Variants in ADK observed in about 807,000 individuals in gnomAD.
ADK encodes adenosine kinase.
In ADK, 24 loss-of-function variants were observed where a neutral mutation model predicts 44.7. That is an observed-to-expected ratio of 0.54 (90% CI 0.39 to 0.76). The LOEUF (loss-of-function observed/expected upper bound fraction) is 0.76, where lower values mean the gene tolerates loss of function less well. Among genes scored for constraint, ADK ranks in the 30% least tolerant of loss-of-function variants. The pLI, the probability that ADK is intolerant of heterozygous loss-of-function variation, is 0.00. For synonymous variants in ADK, 128 were observed against 142.6 expected, an observed-to-expected ratio of 0.90 and a Z score of 0.73; for missense variants, 321 against 425.1, an observed-to-expected ratio of 0.76 and a Z score of 2.15.
chr10:74,325,613 G>A (rs11819074), intron 4 of ADK, among the ~76,000 whole-genome samples: 1 of 152,076 alleles, frequency 6.6e-6, no homozygotes, highest in Non-Finnish European at 1.5e-5. Context: ...AATAGCTTTG[G>A]ATTTTTCATA....
chr10:74,675,343 A>ATAAAT (rs988237777), intron 10 of ADK, among the ~76,000 whole-genome samples: 7 of 152,236 alleles, frequency 4.6e-5, no homozygotes, highest in African/African-American at 1.7e-4. Flanking sequence ...CCAAATGTAC[A>ATAAAT]TAAATTAAAT....
intron 1 of ADK, among the ~76,000 whole-genome samples, chr10:74,184,601 C>A (rs1842681633): frequency 6.6e-6 from 1 of 151,662 alleles, no homozygotes; most frequent in Non-Finnish European, 1.5e-5. Context: ...TCTTGAACCT[C>A]CTGGCCTCAA....
intron 6 of ADK, among the ~76,000 whole-genome samples, chr10:74,442,502 TG>T (rs1204149238): frequency 1.3e-5 from 2 of 151,986 alleles, no homozygotes; most frequent in Non-Finnish European, 2.9e-5. Flanking sequence ...AAAAATTAGC[TG>T]GGCGTGGTAG....
At chr10:74,363,478 G>A (rs190334924) in intron 4 of ADK, among the ~76,000 whole-genome samples, 25 of 152,182 alleles carry the variant, frequency 1.6e-4, no homozygotes, top group South Asian at 4.2e-4. Context: ...TCAGATGGGC[G>A]TATGTCTCCC....
intron 6 of ADK, among the ~76,000 whole-genome samples, chr10:74,407,211 C>T (rs1843973849): frequency 6.6e-6 from 1 of 152,182 alleles, no homozygotes; most frequent in Non-Finnish European, 1.5e-5. Flanking sequence ...CTGTCTCGAC[C>T]TCCCAAATTG....
At chr10:74,504,397 C>G (rs1382238597) in intron 6 of ADK, among the ~76,000 whole-genome samples, 1 of 152,044 alleles carries the variant, frequency 6.6e-6, no homozygotes, top group Non-Finnish European at 1.5e-5. Context: ...GTTAGAGGCA[C>G]TCCCCTCCCC....
chr10:74,672,710 C>T (rs2134204653), intron 10 of ADK, among the ~76,000 whole-genome samples: 1 of 152,268 alleles, frequency 6.6e-6, no homozygotes, highest in African/African-American at 2.4e-5. Flanking sequence ...AATCAAGCTA[C>T]AAAGTAATAG....
chr10:74,674,543 T>C (rs534004450), intron 10 of ADK, among the ~76,000 whole-genome samples: 63 of 152,194 alleles, frequency 4.1e-4, no homozygotes, highest in African/African-American at 1.5e-3. Context: ...GCTGAGGCCC[T>C]GCCCGTATGG....
intron 3 of ADK, among the ~76,000 whole-genome samples, chr10:74,278,270 C>T (rs371497325): frequency 1.4e-4 from 21 of 148,244 alleles, no homozygotes; most frequent in Admixed American, 6.2e-4. Flanking sequence ...AGGAGAACTG[C>T]GTGATCCTGA....
chr10:74,242,991 C>T (rs1455878224), intron 3 of ADK, among the ~76,000 whole-genome samples: 1 of 152,214 alleles, frequency 6.6e-6, no homozygotes, highest in Non-Finnish European at 1.5e-5. Flanking sequence ...TCACTTCCTT[C>T]TTCTTGGATA....
At chr10:74,210,145 C>G (rs1176423757) in intron 2 of ADK, among the ~76,000 whole-genome samples, 1 of 152,000 alleles carries the variant, frequency 6.6e-6, no homozygotes, top group Non-Finnish European at 1.5e-5. Flanking sequence ...GCCTGGCTAA[C>G]AAGGTGAAAC....
intron 4 of ADK, among the ~76,000 whole-genome samples, chr10:74,369,013 A>T (rs899543600): frequency 6.6e-6 from 1 of 152,188 alleles, no homozygotes; most frequent in African/African-American, 2.4e-5. Context: ...GTAACCATTT[A>T]TGCTGAGTTT....
intron 3 of ADK, among the ~76,000 whole-genome samples, chr10:74,250,856 C>T (rs72818504): frequency 0.013 from 1,912 of 152,264 alleles, 23 homozygotes; most frequent in Non-Finnish European, 0.022. Flanking sequence ...TCACAGCTCA[C>T]TGCAGCTAGG....
intron 7 of ADK, among the ~76,000 whole-genome samples, chr10:74,564,609 C>A (rs901246719): frequency 6.6e-6 from 1 of 151,720 alleles, no homozygotes; most frequent in Non-Finnish European, 1.5e-5. Context: ...CGTTTGTATA[C>A]AATACTATAA....
chr10:74,547,006 T>G (rs1346352547), intron 7 of ADK, among the ~76,000 whole-genome samples: 1 of 152,216 alleles, frequency 6.6e-6, no homozygotes, highest in Admixed American at 6.5e-5. Context: ...TGTGTTTCCT[T>G]GTAGGGTTTT....
intron 7 of ADK, among the ~76,000 whole-genome samples, chr10:74,544,417 TA>T (rs964788079): frequency 1.3e-5 from 2 of 152,222 alleles, no homozygotes; most frequent in African/African-American, 4.8e-5. Context: ...GGACTTGATA[TA>T]TTTTTTACTA....
chr10:74,191,867 A>G (rs753419721), intron 1 of ADK, among the ~76,000 whole-genome samples: 1 of 152,220 alleles, frequency 6.6e-6, no homozygotes, highest in African/African-American at 2.4e-5. Flanking sequence ...AGCTATTACC[A>G]CATTCAGGGT....
chr10:74,538,746 G>T (rs1477388544), intron 7 of ADK, among the ~76,000 whole-genome samples: 1 of 152,102 alleles, frequency 6.6e-6, no homozygotes, highest in Non-Finnish European at 1.5e-5. Context: ...ATATTTTACT[G>T]CCATGGGGAT....
intron 3 of ADK, among the ~76,000 whole-genome samples, chr10:74,268,859 G>A (rs1275308551): frequency 6.6e-6 from 1 of 152,134 alleles, no homozygotes; most frequent in Non-Finnish European, 1.5e-5. Context: ...ATTAATCTAT[G>A]TGGGGAAATA....
Sources: allele counts gnomAD v4.1 joint callset (sites outside exome capture counted in the v4.1 genomes callset), GRCh38; gene constraint gnomAD v4.1.1; transcripts MANE v1.5; gene names NCBI Gene and HGNC (gene_info 2026-07-23, HGNC 2026-07-21).